Variants in TICAM1 observed in about 807,000 individuals in gnomAD.
TICAM1 encodes TIR domain containing adaptor molecule 1.
For missense variants in TICAM1, 895 were observed against 938.2 expected (o/e 0.95, Z 0.60); for synonymous variants, 439 against 415.4 (o/e 1.06, Z -0.69).
rs1212370133 is a variant in TICAM1, at chr19:4,816,169, T to G, written c.*70A>C. 2.1e-6 allele frequency: 3 copies of G among 1,440,352 alleles called. No individual in the cohort carries two copies. The highest frequency in any genetic ancestry group is 2.7e-6 in the Non-Finnish European group (3 of 1,102,106). The allele number at this position is 1,440,352 out of a possible 1,614,324, so 89.2% of individuals were successfully genotyped here. On this transcript the variant is annotated 3_prime_UTR_variant, in exon 2 of 2. Coordinates refer to ENST00000248244, the MANE Select transcript of TICAM1 (RefSeq NM_182919.4). This position sits in a 1 kb window ranked among gnomAD's most constrained non-coding sequence, Gnocchi z 4.3. ...CCACAGGGCACAGGGCAGACCGGGG[T>G]GCTCTATGGGGTCCTGGCCGATGCC...
intron 1 of TICAM1, among the ~76,000 whole-genome samples, chr19:4,821,022 G>A (rs1372250863): frequency 9.3e-6 from 1 of 107,946 alleles, no homozygotes; most frequent in African/African-American, 4.4e-5. Flanking sequence ...TGAAACTCCC[G>A]TCTCTAGTAA....
intron 1 of TICAM1, among the ~76,000 whole-genome samples, chr19:4,823,633 T>G (rs972482067): frequency 6.6e-6 from 1 of 151,768 alleles, no homozygotes; most frequent in Non-Finnish European, 1.5e-5. Flanking sequence ...AGCAAGAACC[T>G]GCATCAAAAA....
Position 4,817,405 on chromosome 19 carries a change from G to A in TICAM1, c.973C>T (p.Pro325Ser), listed in dbSNP as rs780079114. 4 of 1,614,088 alleles carry A rather than the reference G, an allele frequency of 2.5e-6. No homozygotes were observed. The South Asian group carries it at 3.3e-5, about 13-fold the overall frequency. Residue 325 changes from proline (P) to serine (S), a missense_variant, in exon 2 of 2, where the codon CCC (proline) becomes TCC (serine). Transcript: ENST00000248244. This position sits in a 1 kb window ranked among gnomAD's most constrained non-coding sequence, Gnocchi z 4.7. ...GGCGTCTGGTCTTTGACAGAGCAGG[G>A]GTTTTTGACCGGCTCCAGAATAGGC... ...PLPILEPVKN[P>S]CSVKDQTPLQ...
Position 4,818,022 on chromosome 19 carries a change from T to A in TICAM1, c.356A>T (p.Gln119Leu). 6.2e-7 allele frequency: 1 copy of A among 1,611,092 alleles called. No homozygotes were observed. Among genetic ancestry groups the A allele is most frequent in the Non-Finnish European group, 8.5e-7 (1 of 1,179,920 alleles). ...GGAGCTGAGGGTGCGGACGGCTTCC[T>A]GGTAGGCCACGTCCCGCAGCGAGGC... ...CPASLRDVAY[Q>L]EAVRTLSSRD... Residue 119 changes from glutamine (Q) to leucine (L), a missense_variant, in exon 2 of 2, where the codon CAG (glutamine) becomes CTG (leucine). Coordinates refer to ENST00000248244, the MANE Select transcript of TICAM1 (RefSeq NM_182919.4). The surrounding 1 kb of genome is among the most constrained non-coding windows in gnomAD (Gnocchi z 4.0).
intron 1 of TICAM1, among the ~76,000 whole-genome samples, chr19:4,822,892 G>T (rs1045532467): frequency 6.6e-6 from 1 of 152,114 alleles, no homozygotes; most frequent in Non-Finnish European, 1.5e-5. Flanking sequence ...GGGTTCAATC[G>T]TGTCTCTCCC....
chr19:4,817,622 C>A lies in TICAM1; in HGVS notation c.756G>T (p.Glu252Asp), dbSNP rs2093589225. ...TCTCCCCCGATGGCGGCCAGCTCATCTCCTCAGGCTCCTGGCAGCCACCGG... is the reference window on the plus strand; with the variant it reads ...TCTCCCCCGATGGCGGCCAGCTCATATCCTCAGGCTCCTGGCAGCCACCGG... ...PVPGGCQEPE[E>D]MSWPPSGEIA... The change falls in exon 2 of 2, where the codon GAG (glutamate) becomes GAT (aspartate). Residue 252 changes from glutamate (E) to aspartate (D), a missense_variant. Physicochemically the swap from Glu to Asp is conservative, Grantham distance 45 (BLOSUM62 2). Coordinates refer to ENST00000248244, the MANE Select transcript of TICAM1 (RefSeq NM_182919.4). This position sits in a 1 kb window ranked among gnomAD's most constrained non-coding sequence, Gnocchi z 4.7. The A allele has an allele frequency of 6.3e-7, 1 of 1,587,766 alleles. No homozygotes were observed. Among genetic ancestry groups the A allele is most frequent in the South Asian group, 1.1e-5 (1 of 87,470 alleles).
At position 4,817,069 on chromosome 19, in the gene TICAM1, C is replaced by T. The variant is rs766706840; in HGVS notation, c.1309G>A (p.Gly437Arg). The T allele has an allele frequency of 6.8e-6, 11 of 1,614,108 alleles. No individual in the cohort carries two copies. In the South Asian group the frequency reaches 7.7e-5, roughly 11 times the overall value. ...GCGTCCTGCAGGCAGCTCAGCTCCC[C>T]GCGCCCCGGCACCTGGAAATCCTCG... The part of the protein sequence containing the change: ...FCEDFQVPGR[G>R]ELSCLQDAID... Residue 437 changes from glycine to arginine, a missense_variant, in exon 2 of 2, where the codon GGG becomes AGG. Physicochemically the swap from Gly to Arg is moderately radical, Grantham distance 125. Coordinates refer to ENST00000248244, the MANE Select transcript of TICAM1 (RefSeq NM_182919.4). The surrounding 1 kb of genome is among the most constrained non-coding windows in gnomAD (Gnocchi z 4.7).
Position 4,816,739 on chromosome 19 carries a change from G to C in TICAM1, c.1639C>G (p.Arg547Gly), listed in dbSNP as rs774037288. ...KAMWRKEQDT[R>G]ALREQSQHLD... Reference sequence around the variant, plus strand: ...TGTTGGCTCTGTTCCCGCAGGGCTCGGGTGTCCTGTTCCTTCCTCCACATG... The same window carrying C: ...TGTTGGCTCTGTTCCCGCAGGGCTCCGGTGTCCTGTTCCTTCCTCCACATG... Residue 547 changes from arginine (R) to glycine (G), a missense_variant, in exon 2 of 2, where the codon CGA (arginine) becomes GGA (glycine). By Grantham distance (125) the Arg-to-Gly change is moderately radical. Transcript: ENST00000248244. The surrounding 1 kb of genome is among the most constrained non-coding windows in gnomAD (Gnocchi z 4.3). 4 of 1,613,734 alleles carry C rather than the reference G, an allele frequency of 2.5e-6. No individual in the cohort carries two copies. In the Admixed American group the frequency reaches 5.0e-5, roughly 20 times the overall value.
rs1466893137 is a variant in TICAM1, at chr19:4,817,173, G to A, written c.1205C>T (p.Ala402Val). The A allele has an allele frequency of 1.9e-6, 3 of 1,614,064 alleles. No individual in the cohort carries two copies. Among genetic ancestry groups the A allele is most frequent in the Non-Finnish European group, 2.5e-6 (3 of 1,180,044 alleles). The change falls in exon 2 of 2, where the codon GCC becomes GTC. Residue 402 changes from alanine to valine, a missense_variant. Physicochemically the swap from Ala to Val is moderately conservative, Grantham distance 64. Transcript: ENST00000248244. This position sits in a 1 kb window ranked among gnomAD's most constrained non-coding sequence, Gnocchi z 4.7. ...QKFYNFVILH[A>V]RADEHIALRV... ...CAGGGCGATGTGTTCGTCTGCCCTG[G>A]CGTGGAGGATCACAAAGTTATAGAA... is the stretch of plus-strand genomic sequence containing the variant.
intron 1 of TICAM1, among the ~76,000 whole-genome samples, chr19:4,829,853 C>G (rs937060222): frequency 2.2e-5 from 3 of 137,352 alleles, no homozygotes; most frequent in African/African-American, 8.4e-5. Context: ...CTGTGTCGCC[C>G]AGGCTGGAGT....
intron 1 of TICAM1, among the ~76,000 whole-genome samples, chr19:4,822,474 C>G (rs988049641): frequency 2.6e-5 from 4 of 152,164 alleles, no homozygotes; most frequent in African/African-American, 9.7e-5. Context: ...AACTCCTGAC[C>G]TTGTGTGATC....
intron 1 of TICAM1, among the ~76,000 whole-genome samples, chr19:4,819,593 C>G (rs2093593751): frequency 6.6e-6 from 1 of 152,166 alleles, no homozygotes. Context: ...ATAGCCTCGG[C>G]TGAGCACGGT....
chr19:4,816,564 G>GC lies in TICAM1; in HGVS notation c.1813dup (p.Ala605GlyfsTer161). Reference sequence around the variant, plus strand: ...CACCTGGCCCCCAAAGGGCATTCGAGCCCCATAGGGCGCCCCAGTCCCAAA... The same window carrying GC: ...CACCTGGCCCCCAAAGGGCATTCGAGCCCCCATAGGGCGCCCCAGTCCCAAA... On this transcript the variant is annotated frameshift_variant, in exon 2 of 2. Transcript: ENST00000248244. LOFTEE classifies it low-confidence loss of function (END_TRUNC). This position sits in a 1 kb window ranked among gnomAD's most constrained non-coding sequence, Gnocchi z 4.3. The GC allele has an allele frequency of 6.2e-7, 1 of 1,611,846 alleles. No individual in the cohort carries two copies. Among genetic ancestry groups the GC allele is most frequent in the Non-Finnish European group, 8.5e-7 (1 of 1,179,554 alleles).
intron 1 of TICAM1, among the ~76,000 whole-genome samples, chr19:4,823,315 A>G (rs952723504): frequency 5.3e-5 from 8 of 152,082 alleles, no homozygotes; most frequent in Non-Finnish European, 8.8e-5. Context: ...AAATGCAAAA[A>G]TTATCCAGGC....
At chr19:4,829,805 C>CTTT (rs539314470) in intron 1 of TICAM1, among the ~76,000 whole-genome samples, 79 of 87,580 alleles carry the variant, frequency 9.0e-4, no homozygotes, top group East Asian at 1.0e-3. Context: ...AATTTCATTT[C>CTTT]TTTTTTTTTT....
rs1237024981 is a variant in TICAM1 at position 4,817,485 on chromosome 19, G to C, written c.893C>G (p.Thr298Ser). The change falls in exon 2 of 2, where the codon ACC becomes AGC. Residue 298 changes from threonine (T) to serine (S), a missense_variant. Transcript: ENST00000248244. The surrounding 1 kb of genome is among the most constrained non-coding windows in gnomAD (Gnocchi z 4.7). ...CTCGGTGCACTCCACTGGGTAGTTG[G>C]TGCTGGTTTCTGGAGCTGCGGGGGT... The part of the protein sequence containing the change: ...PDTPAAPETS[T>S]NYPVECTEGS... The C allele has an allele frequency of 6.2e-7, 1 of 1,613,968 alleles. No homozygotes were observed. The highest frequency in any genetic ancestry group is 8.5e-7 in the Non-Finnish European group (1 of 1,180,010).
rs550899449 is a variant in TICAM1, at chr19:4,818,121, G to T, written c.257C>A (p.Pro86Gln). 3 of 1,608,604 alleles carry T rather than the reference G, an allele frequency of 1.9e-6. No homozygotes were observed. The highest frequency in any genetic ancestry group is 3.3e-5 in the Admixed American group (2 of 59,984). ...CCAGGACACATCTGGGGGCTCCTCT[G>T]GGTCCTCGGTGCTGTCCACGCCAGC... ...QWAGVDSTEDPEEPPDVSWAV... is the reference protein window; with the variant it reads ...QWAGVDSTEDQEEPPDVSWAV... Residue 86 changes from proline to glutamine, a missense_variant, in exon 2 of 2, where the codon CCA (proline) becomes CAA (glutamine). By Grantham distance (76) the Pro-to-Gln change is moderately conservative. Transcript: ENST00000248244. The surrounding 1 kb of genome is among the most constrained non-coding windows in gnomAD (Gnocchi z 4.0).
At chr19:4,823,042 G>A (rs150022997) in intron 1 of TICAM1, among the ~76,000 whole-genome samples, 4 of 152,176 alleles carry the variant, frequency 2.6e-5, no homozygotes, top group East Asian at 1.9e-4. Context: ...TTATTTGGCC[G>A]GGCCTGACGG....
Position 4,816,685 on chromosome 19 carries a change from C to T in TICAM1, c.1693G>A (p.Ala565Thr). 6.2e-7 allele frequency: 1 copy of T among 1,614,064 alleles called. No homozygotes were observed. The highest frequency in any genetic ancestry group is 2.2e-5 in the East Asian group (1 of 44,868). ...TAGGCTGAGTAGGCTGCGTTCAGTG[C>T]CGCCGCCTGCATCCGCTCACCGTCC... is the stretch of plus-strand genomic sequence containing the variant. ...HLDGERMQAA[A>T]LNAAYSAYLQ... The change falls in exon 2 of 2, where the codon GCA becomes ACA. Residue 565 changes from alanine to threonine, a missense_variant. By Grantham distance (58) the Ala-to-Thr change is moderately conservative. Transcript: ENST00000248244. The surrounding 1 kb of genome is among the most constrained non-coding windows in gnomAD (Gnocchi z 4.3).
Sources: gnomAD v4.1 joint callset for allele counts (sites outside exome capture counted in the v4.1 genomes callset) on GRCh38, gnomAD v4.1.1 for gene constraint, Gnocchi (gnomAD v3.1) non-coding constraint, MANE v1.5 for transcripts, NCBI Gene and HGNC (gene_info 2026-07-23, HGNC 2026-07-21) for gene names.